The following PHACTR2 variants were observed in gnomAD, a reference collection of about 807,000 sequenced individuals.
PHACTR2 encodes the protein phosphatase and actin regulator 2.
PHACTR2 carries 30 observed loss-of-function variants against 76.0 expected under a neutral mutation model. That is an observed-to-expected ratio of 0.39 (90% CI 0.30 to 0.54). The LOEUF (loss-of-function observed/expected upper bound fraction) is 0.54, where lower values mean the gene tolerates loss of function less well. Among genes scored for constraint, PHACTR2 ranks in the 20% least tolerant of loss-of-function variants. The pLI is 0.61. For missense variants in PHACTR2, 696 were observed against 781.1 expected (o/e 0.89, Z 1.30); for synonymous variants, 292 against 292.5 (o/e 1.00, Z 0.02).
At chr6:143,626,339 C>T (rs1776256583) in intron 1 of PHACTR2, among the ~76,000 whole-genome samples, 2 of 152,030 alleles carry the variant, frequency 1.3e-5, no homozygotes, top group African/African-American at 4.8e-5. Context: ...AGATTAAGAC[C>T]ATCCTGGCTA....
chr6:143,677,655 A>C (rs892599941), upstream of PHACTR2, among the ~76,000 whole-genome samples: 21 of 152,376 alleles, frequency 1.4e-4, no homozygotes, highest in African/African-American at 5.0e-4. Flanking sequence ...AATGTAAGGA[A>C]GGAAATAACT....
rs9321927 is a variant in PHACTR2, at chr6:143,592,158, C to T, written c.217+54951C>T. 0.7 allele frequency among the ~76,000 whole-genome samples: 106,839 copies of T among 152,022 alleles called. 37,945 individuals carry two copies. The highest frequency in any genetic ancestry group is 0.8 in the Middle Eastern group (234 of 294). On this transcript the variant is annotated intron_variant, in intron 1 of 11. Coordinates refer to the PHACTR2 transcript ENST00000367584. This position sits in a 1 kb window ranked among gnomAD's most constrained non-coding sequence, Gnocchi z 4.0. ...CATTATGAAGGTGTATTGGTTAAGG[C>T]TGGAGGATAGAACATATGGTAACTA...
rs908071425 is a variant in PHACTR2 at position 143,739,073 on chromosome 6, T to C, written c.215-9912T>C. On this transcript the variant is annotated intron_variant, in intron 2 of 12. Transcript: ENST00000440869. The surrounding 1 kb of genome is among the most constrained non-coding windows in gnomAD (Gnocchi z 4.3). The stretch of plus-strand genomic sequence containing the variant: ...TCACTTTATTTATTTATTATTTATT[T>C]ATTTATTTTTGAGACGGAGTCTCTC... Among the ~76,000 whole-genome samples the C allele has an allele frequency of 1.3e-5, 2 of 152,132 alleles. No individual in the cohort carries two copies. Among genetic ancestry groups the C allele is most frequent in the Admixed American group, 6.5e-5 (1 of 15,286 alleles).
rs978649470 is a variant in PHACTR2 at position 143,697,876 on chromosome 6, C to T, written c.47-14140C>T. Among the ~76,000 whole-genome samples, 1 of 152,134 alleles carries T rather than the reference C, an allele frequency of 6.6e-6. No individual in the cohort carries two copies. Among genetic ancestry groups the T allele is most frequent in the Non-Finnish European group, 1.5e-5 (1 of 68,020 alleles). On this transcript the variant is annotated intron_variant, in intron 1 of 12. Transcript: ENST00000440869. The surrounding 1 kb of genome is among the most constrained non-coding windows in gnomAD (Gnocchi z 4.4). ...CCACCAGGAATAAAATCAACTTGCTCCCTGTCCTCATGGGACTCCTAATCT... is the reference window on the plus strand; with the variant it reads ...CCACCAGGAATAAAATCAACTTGCTTCCTGTCCTCATGGGACTCCTAATCT...
chr6:143,699,635 G>C (rs1162201605), intron 1 of PHACTR2, among the ~76,000 whole-genome samples: 1 of 152,172 alleles, frequency 6.6e-6, no homozygotes, highest in Non-Finnish European at 1.5e-5. Flanking sequence ...AGTTCATGGT[G>C]CCTGAATACA....
In PHACTR2 at chr6:143,807,155, A is replaced by G; in HGVS notation, c.1922+22A>G. 6.9e-7 allele frequency: 1 copy of G among 1,442,862 alleles called. No homozygotes were observed. Among genetic ancestry groups the G allele is most frequent in the Non-Finnish European group, 9.7e-7 (1 of 1,033,314 alleles). The allele number at this position is 1,442,862 out of a possible 1,614,324, so 89.4% of individuals were successfully genotyped here. A position where few individuals can be genotyped will look rare whatever the true frequency, so the allele number is the denominator to read the frequency against. ...CAAGGTAGGTGACAAAATGCAGCTTAGAAATTGAAAATGCTTAAGATGTGA... is the reference window on the plus strand; with the variant it reads ...CAAGGTAGGTGACAAAATGCAGCTTGGAAATTGAAAATGCTTAAGATGTGA... On this transcript the variant is annotated intron_variant, in intron 12 of 12. Transcript: ENST00000440869. The surrounding 1 kb of genome is among the most constrained non-coding windows in gnomAD (Gnocchi z 5.5).
At position 143,664,420 on chromosome 6, in the gene PHACTR2, C is replaced by T. The variant is rs576057893; in HGVS notation, c.14-47596C>T. On this transcript the variant is annotated intron_variant, in intron 1 of 11. Transcript: ENST00000305766. The surrounding 1 kb of genome is among the most constrained non-coding windows in gnomAD (Gnocchi z 5.1). ...TATTTATTGAGATTACTAATTTGGA[C>T]TTACATTGCCATCTTAATTTGTGTC... is the stretch of plus-strand genomic sequence containing the variant. Among the ~76,000 whole-genome samples the T allele has an allele frequency of 2.0e-5, 3 of 152,184 alleles. No individual in the cohort carries two copies. Among genetic ancestry groups the T allele is most frequent in the South Asian group, 4.1e-4 (2 of 4,826 alleles).
intron 11 of PHACTR2, among the ~76,000 whole-genome samples, chr6:143,798,007 A>G (rs1334093217): frequency 6.6e-6 from 1 of 152,086 alleles, no homozygotes; most frequent in Non-Finnish European, 1.5e-5. Flanking sequence ...CATTTTCACG[A>G]TATTGATTCT....
chr6:143,625,191 G>A lies in PHACTR2; in HGVS notation c.13+16869G>A, dbSNP rs1365301999. On this transcript the variant is annotated intron_variant, in intron 1 of 11. Transcript: ENST00000305766. This position sits in a 1 kb window ranked among gnomAD's most constrained non-coding sequence, Gnocchi z 4.3. ...AAAAAAAGTATAGTCAAGGAATATGGTGTTATGAATATTTGCTGAGGGCAT... is the reference window on the plus strand; with the variant it reads ...AAAAAAAGTATAGTCAAGGAATATGATGTTATGAATATTTGCTGAGGGCAT... Among the ~76,000 whole-genome samples the A allele has an allele frequency of 1.8e-4, 28 of 151,964 alleles. No individual in the cohort carries two copies. The highest frequency in any genetic ancestry group is 7.4e-5 in the Non-Finnish European group (5 of 67,992).
intron 1 of PHACTR2, among the ~76,000 whole-genome samples, chr6:143,594,872 T>C (rs1325172985): frequency 2.6e-5 from 4 of 152,244 alleles, no homozygotes; most frequent in Non-Finnish European, 4.4e-5. Flanking sequence ...CTGCCGTTGC[T>C]GTCAGGTGGG....
In PHACTR2 at chr6:143,765,902, T is replaced by C. The variant is rs142376349; in HGVS notation, c.1232+104T>C. 1.1e-6 allele frequency: 1 copy of C among 937,948 alleles called. No individual in the cohort carries two copies. Among genetic ancestry groups the C allele is most frequent in the East Asian group, 2.6e-5 (1 of 38,916 alleles). The allele number at this position is 937,948 out of a possible 1,614,324, so 58.1% of individuals were successfully genotyped here. A position where few individuals can be genotyped will look rare whatever the true frequency, so the allele number is the denominator to read the frequency against. On this transcript the variant is annotated intron_variant, in intron 6 of 12. Transcript: ENST00000440869. This position sits in a 1 kb window ranked among gnomAD's most constrained non-coding sequence, Gnocchi z 4.1. ...GTTTGCTTTCTTATATAATTTAATCTACTGAGTGTTAGGTAGGCATACATG... is the reference window on the plus strand; with the variant it reads ...GTTTGCTTTCTTATATAATTTAATCCACTGAGTGTTAGGTAGGCATACATG...
chr6:143,758,828 C>T lies in PHACTR2; in HGVS notation c.455-1573C>T, dbSNP rs1779365706. ...ATTGATTACCTATTGTAACTGAAGT[C>T]ATCTATGCTAATTATATATGTGGAT... On this transcript the variant is annotated intron_variant, in intron 4 of 12. Coordinates refer to ENST00000440869, the MANE Select transcript of PHACTR2 (RefSeq NM_001100164.2). Among the ~76,000 whole-genome samples, 2 of 152,062 alleles carry T rather than the reference C, an allele frequency of 1.3e-5. 1 individual carries two copies. The highest frequency in any genetic ancestry group is 4.1e-4 in the South Asian group (2 of 4,826).
At position 143,806,824 on chromosome 6, in the gene PHACTR2, G is replaced by A. The variant is rs1776076279; in HGVS notation, c.1846-233G>A. 2.0e-5 allele frequency among the ~76,000 whole-genome samples: 3 copies of A among 152,018 alleles called. No individual in the cohort carries two copies. The highest frequency in any genetic ancestry group is 7.2e-5 in the African/African-American group (3 of 41,390). ...ATTTAAAAATTAGCTGAGCATGGTG[G>A]CGCACACCTGTAATCCGAGCTACTG... On this transcript the variant is annotated intron_variant, in intron 11 of 12. Transcript: ENST00000440869. This position sits in a 1 kb window ranked among gnomAD's most constrained non-coding sequence, Gnocchi z 5.8.
At chr6:143,600,013 A>G (rs1775795917) in intron 1 of PHACTR2, among the ~76,000 whole-genome samples, 3 of 152,268 alleles carry the variant, frequency 2.0e-5, no homozygotes, top group Admixed American at 1.3e-4. Context: ...TTGGCAGCTC[A>G]TGATTCTAAT....
intron 1 of PHACTR2, chr6:143,711,109 C>T (rs972745665): frequency 9.8e-5 from 50 of 507,648 alleles, no homozygotes; most frequent in African/African-American, 8.9e-4. Context: ...ATCCAACCAT[C>T]GTTGAGATAA....
chr6:143,821,022 C>T lies in PHACTR2; in HGVS notation c.1923-2652C>T, dbSNP rs532734141. On this transcript the variant is annotated intron_variant, in intron 12 of 12. Transcript: ENST00000440869. This position sits in a 1 kb window ranked among gnomAD's most constrained non-coding sequence, Gnocchi z 5.2. ...CCTGAGCTGTATCTGGGGCCCTTTG[C>T]GCCAAGGCTGGAGCCAAAGTGGCTG... Among the ~76,000 whole-genome samples the T allele has an allele frequency of 7.1e-4, 108 of 152,376 alleles. No homozygotes were observed. Among genetic ancestry groups the T allele is most frequent in the Non-Finnish European group, 1.2e-3 (85 of 68,034 alleles).
rs999077484 is a variant in PHACTR2, at chr6:143,820,639, C to T, written c.1923-3035C>T. Among the ~76,000 whole-genome samples, 10 of 152,226 alleles carry T rather than the reference C, an allele frequency of 6.6e-5. No individual in the cohort carries two copies. The highest frequency in any genetic ancestry group is 1.4e-4 in the African/African-American group (6 of 41,466). ...CCCCCAGGCTGATCTCACAGGCTGG[C>T]GTTGAATGTCTGTGGCTTTTCCAGG... On this transcript the variant is annotated intron_variant, in intron 12 of 12. Transcript: ENST00000440869. This position sits in a 1 kb window ranked among gnomAD's most constrained non-coding sequence, Gnocchi z 4.2.
At chr6:143,706,884 T>A (rs1361474982) in intron 1 of PHACTR2, among the ~76,000 whole-genome samples, 1 of 152,230 alleles carries the variant, frequency 6.6e-6, no homozygotes, top group African/African-American at 2.4e-5. Flanking sequence ...ATACCATCAG[T>A]TCACCCTAAC....
chr6:143,722,843 G>T lies in PHACTR2; in HGVS notation c.214+10660G>T, dbSNP rs762413867. Among the ~76,000 whole-genome samples the T allele has an allele frequency of 1.3e-5, 2 of 152,142 alleles. No homozygotes were observed. Among genetic ancestry groups the T allele is most frequent in the Non-Finnish European group, 2.9e-5 (2 of 68,036 alleles). On this transcript the variant is annotated intron_variant, in intron 2 of 12. Coordinates refer to ENST00000440869, the MANE Select transcript of PHACTR2 (RefSeq NM_001100164.2). The surrounding 1 kb of genome is among the most constrained non-coding windows in gnomAD (Gnocchi z 4.1). ...TTTGTTTTAGCTCCCACATATGAGT[G>T]AGAACATGCAACATTTGTCTTTCTG...
Sources: allele counts gnomAD v4.1 joint callset (sites outside exome capture counted in the v4.1 genomes callset), GRCh38; gene constraint gnomAD v4.1.1; non-coding constraint Gnocchi (gnomAD v3.1); transcripts MANE v1.5; gene names NCBI Gene and HGNC (gene_info 2026-07-23, HGNC 2026-07-21).